The following SUSD5 variants were observed in gnomAD, a reference collection of about 807,000 sequenced individuals.
The protein encoded by SUSD5 is sushi domain-containing protein 5.
A neutral mutation model predicts 29.5 loss-of-function variants in SUSD5; 33 were observed. That is an observed-to-expected ratio of 1.12 (90% confidence interval 0.85 to 1.49). The LOEUF (loss-of-function observed/expected upper bound fraction) is 1.49. Ranked by LOEUF, SUSD5 falls within the 40% of genes most tolerant of loss-of-function variation. The pLI, the probability that SUSD5 is intolerant of heterozygous loss-of-function variation, is 0.00. For synonymous variants in SUSD5, 308 were observed against 325.3 expected (o/e 0.95, Z 0.57); for missense variants, 776 against 800.6 (o/e 0.97, Z 0.37).
intron 2 of SUSD5, among the ~76,000 whole-genome samples, chr3:33,213,658 C>T (rs568579826): frequency 2.0e-5 from 3 of 152,110 alleles, no homozygotes; most frequent in South Asian, 4.2e-4. Flanking sequence ...CCTGTAATCC[C>T]AGCTACTCGG....
chr3:33,208,173 T>C (rs1376523361), intron 2 of SUSD5, among the ~76,000 whole-genome samples: 1 of 152,244 alleles, frequency 6.6e-6, no homozygotes, highest in Non-Finnish European at 1.5e-5. Flanking sequence ...TGATCTCTTC[T>C]AGATTATGTT....
intron 4 of SUSD5, among the ~76,000 whole-genome samples, chr3:33,157,546 G>A (rs775786535): frequency 3.9e-5 from 6 of 152,178 alleles, no homozygotes; most frequent in Non-Finnish European, 5.9e-5. Context: ...AAGACAGACT[G>A]CAATAATGGC....
At chr3:33,206,883 C>A (rs763053315) in intron 3 of SUSD5, among the ~76,000 whole-genome samples, 1 of 152,180 alleles carries the variant, frequency 6.6e-6, no homozygotes, top group Non-Finnish European at 1.5e-5. Flanking sequence ...AGCGCTGGCA[C>A]TGAGGCATCA....
intron 2 of SUSD5, among the ~76,000 whole-genome samples, chr3:33,212,527 T>C (rs939308227): frequency 5.9e-5 from 9 of 152,192 alleles, no homozygotes; most frequent in Non-Finnish European, 1.0e-4. Context: ...GCGTATAATG[T>C]CTAGGGGCTG....
intron 3 of SUSD5, among the ~76,000 whole-genome samples, chr3:33,181,532 CTAGA>C (rs1297599486): frequency 1.3e-5 from 2 of 151,790 alleles, no homozygotes; most frequent in Non-Finnish European, 1.5e-5. Flanking sequence ...GCCACCCTGC[CTAGA>C]TATTTTTTTC....
At chr3:33,214,895 G>C (rs1410150446) in intron 1 of SUSD5, among the ~76,000 whole-genome samples, 2 of 152,016 alleles carry the variant, frequency 1.3e-5, no homozygotes, top group African/African-American at 4.8e-5. Context: ...CTAAAGGCAG[G>C]GGAGAAAACA....
chr3:33,153,311 T>C lies in SUSD5; in HGVS notation c.1321A>G (p.Met441Val), dbSNP rs2125612223. 1 of 1,613,904 alleles carries C rather than the reference T, an allele frequency of 6.2e-7. No homozygotes were observed. Among genetic ancestry groups the C allele is most frequent in the African/African-American group, 1.3e-5 (1 of 75,028 alleles). The change falls in exon 5 of 5, where the codon ATG (methionine) becomes GTG (valine). Residue 441 changes from methionine (M) to valine (V), a missense_variant. Transcript: ENST00000309558. Reference sequence around the variant, plus strand: ...AGCGCCAAAGCTTCCACATCTAGCATTTGAGATGGAAGAACTGAACTATGG... The same window carrying C: ...AGCGCCAAAGCTTCCACATCTAGCACTTGAGATGGAAGAACTGAACTATGG... ...MTHSSVLPSQMLDVEALALRP... is the reference protein window; with the variant it reads ...MTHSSVLPSQVLDVEALALRP...
chr3:33,210,543 G>T (rs888360076), intron 2 of SUSD5, among the ~76,000 whole-genome samples: 2 of 152,148 alleles, frequency 1.3e-5, no homozygotes, highest in Non-Finnish European at 2.9e-5. Flanking sequence ...TCATTCTCTG[G>T]ATTTATGTGT....
At chr3:33,196,585 T>C (rs2032000407) in intron 3 of SUSD5, among the ~76,000 whole-genome samples, 1 of 152,196 alleles carries the variant, frequency 6.6e-6, no homozygotes, top group Non-Finnish European at 1.5e-5. Flanking sequence ...AAAGCACAGA[T>C]CCACATGTAA....
At chr3:33,211,777 C>T (rs1325951383) in intron 2 of SUSD5, among the ~76,000 whole-genome samples, 1 of 152,122 alleles carries the variant, frequency 6.6e-6, no homozygotes, top group Non-Finnish European at 1.5e-5. Flanking sequence ...GCTTTTGTTG[C>T]CTGTGTTTTT....
At chr3:33,213,745 A>G (rs1314091293) in intron 2 of SUSD5, among the ~76,000 whole-genome samples, 183 bp downstream of exon 2, 3 of 151,690 alleles carry the variant, frequency 2.0e-5, no homozygotes, top group Non-Finnish European at 4.4e-5. Flanking sequence ...CTGCACTCCA[A>G]CCTGGGCAAC....
chr3:33,194,836 A>C (rs940059962), intron 3 of SUSD5, among the ~76,000 whole-genome samples: 3 of 152,204 alleles, frequency 2.0e-5, no homozygotes, highest in Non-Finnish European at 4.4e-5. Flanking sequence ...TGAAAATATG[A>C]ATTATTAGTA....
intron 1 of SUSD5, 31 bp downstream of exon 1, chr3:33,218,655 C>A (rs1408341882): frequency 1.6e-6 from 2 of 1,262,308 alleles, no homozygotes; most frequent in Non-Finnish European, 2.0e-6. Flanking sequence ...CCACGCTCCA[C>A]CCCCCGCCCC....
chr3:33,169,934 T>TC (rs986831284), intron 4 of SUSD5, among the ~76,000 whole-genome samples: 5 of 151,932 alleles, frequency 3.3e-5, no homozygotes, highest in African/African-American at 1.2e-4. Flanking sequence ...TCTTTTTTTT[T>TC]TGAGACAGAG....
intron 3 of SUSD5, among the ~76,000 whole-genome samples, chr3:33,201,284 G>A (rs1403469128): frequency 6.6e-6 from 1 of 152,154 alleles, no homozygotes; most frequent in Non-Finnish European, 1.5e-5. Context: ...TGTCTGCAAG[G>A]CAGGGCTTTG....
At chr3:33,200,976 T>C (rs973421130) in intron 3 of SUSD5, among the ~76,000 whole-genome samples, 1 of 152,064 alleles carries the variant, frequency 6.6e-6, no homozygotes, top group Non-Finnish European at 1.5e-5. Flanking sequence ...GATTTAAAGA[T>C]GGAATTGTTA....
Position 33,167,771 on chromosome 3 carries a change from G to T in SUSD5, c.598+7115C>A, listed in dbSNP as rs550572509. Among the ~76,000 whole-genome samples, 1 of 152,306 alleles carries T rather than the reference G, an allele frequency of 6.6e-6. No individual in the cohort carries two copies. Among genetic ancestry groups the T allele is most frequent in the African/African-American group, 2.4e-5 (1 of 41,572 alleles). On this transcript the variant is annotated intron_variant, in intron 4 of 4. Coordinates refer to ENST00000309558, the MANE Select transcript of SUSD5 (RefSeq NM_015551.2). The surrounding 1 kb of genome is among the most constrained non-coding windows in gnomAD (Gnocchi z 4.1). ...AGATTTCAACCAACAAGCACATTCTGCCCACAAGATGGAGAAGCCCAGCTC... is the reference window on the plus strand; with the variant it reads ...AGATTTCAACCAACAAGCACATTCTTCCCACAAGATGGAGAAGCCCAGCTC...
chr3:33,200,187 C>T (rs1047661858), intron 3 of SUSD5, among the ~76,000 whole-genome samples: 2 of 152,198 alleles, frequency 1.3e-5, no homozygotes, highest in African/African-American at 2.4e-5. Context: ...GAAGACTCCA[C>T]AAGAAGACAG....
chr3:33,152,387 T>C lies in SUSD5; in HGVS notation c.*355A>G, dbSNP rs921878900. Reference sequence around the variant, plus strand: ...GTGAGCTCAGATCGGGACACTGCACTCCAGCCTGGGCAACAGCATGAGACT... The same window carrying C: ...GTGAGCTCAGATCGGGACACTGCACCCCAGCCTGGGCAACAGCATGAGACT... On this transcript the variant is annotated 3_prime_UTR_variant, in exon 5 of 5. Transcript: ENST00000309558. 8.4e-5 allele frequency: 17 copies of C among 202,924 alleles called. No homozygotes were observed. The highest frequency in any genetic ancestry group is 1.6e-4 in the Admixed American group (3 of 18,996). 12.6% of individuals were successfully genotyped at this position (202,924 alleles called of 1,614,324 possible). A position where few individuals can be genotyped will look rare whatever the true frequency, so the allele number is the denominator to read the frequency against.
Sources: allele counts gnomAD v4.1 joint callset (sites outside exome capture counted in the v4.1 genomes callset), GRCh38; gene constraint gnomAD v4.1.1; non-coding constraint Gnocchi (gnomAD v3.1); transcripts MANE v1.5; gene names NCBI Gene and HGNC (gene_info 2026-07-23, HGNC 2026-07-21).